Variants in ADAMTS19 observed in about 807,000 individuals in gnomAD.
The protein encoded by ADAMTS19 is ADAM metallopeptidase with thrombospondin type 1 motif 19, also known as A disintegrin and metalloproteinase with thrombospondin motifs 19.
Under a neutral mutation model 153.3 loss-of-function variants are expected in ADAMTS19, and 93 were observed. That is an observed-to-expected ratio of 0.61 (90% CI 0.51 to 0.72). The LOEUF is 0.72. ADAMTS19 is among the 30% of genes least tolerant of loss of function. The probability of loss-of-function intolerance (pLI) is 0.00; values close to 1 mark genes in which losing one functional copy is unlikely to be tolerated. For synonymous variants in ADAMTS19, 600 were observed against 556.6 expected (o/e 1.08, Z -1.10); for missense variants, 1,482 against 1,552.1 (o/e 0.95, Z 0.76).
chr5:129,659,425 A>G (rs6896924), intron 15 of ADAMTS19, among the ~76,000 whole-genome samples: 13,858 of 152,242 alleles, frequency 0.091, 695 homozygotes, highest in African/African-American at 0.11. Flanking sequence ...CTTTATGTAC[A>G]GAAAATGCTT....
At chr5:129,634,684 T>A (rs1483560996) in intron 10 of ADAMTS19, among the ~76,000 whole-genome samples, 1 of 152,060 alleles carries the variant, frequency 6.6e-6, no homozygotes, top group Non-Finnish European at 1.5e-5. Context: ...CTGGGATAAC[T>A]TACTAGCCAT....
chr5:129,676,903 C>T (rs1190487718), intron 16 of ADAMTS19, among the ~76,000 whole-genome samples: 1 of 151,930 alleles, frequency 6.6e-6, no homozygotes, highest in Admixed American at 6.6e-5. Flanking sequence ...TCTAGTGATC[C>T]CCAGGATTTG....
intron 15 of ADAMTS19, among the ~76,000 whole-genome samples, chr5:129,662,781 C>A (rs1753867458): frequency 6.6e-6 from 1 of 151,864 alleles, no homozygotes; most frequent in Non-Finnish European, 1.5e-5. Context: ...TCATGTTTGA[C>A]ATACAGCTTT....
At chr5:129,487,135 C>T (rs1750625619) in intron 2 of ADAMTS19, among the ~76,000 whole-genome samples, 1 of 152,138 alleles carries the variant, frequency 6.6e-6, no homozygotes, top group African/African-American at 2.4e-5. Flanking sequence ...AGAATAATTT[C>T]TTCCTTAGAA....
In ADAMTS19 at chr5:129,550,085, T is replaced by C. The variant is rs550355018; in HGVS notation, c.1329-1779T>C. Reference sequence around the variant, plus strand: ...ATGTATCTAGATATACATATACATGTATCTGTATATGTATGTATCTAGATA... The same window carrying C: ...ATGTATCTAGATATACATATACATGCATCTGTATATGTATGTATCTAGATA... On this transcript the variant is annotated intron_variant, in intron 6 of 22. Coordinates refer to ENST00000274487, the MANE Select transcript of ADAMTS19 (RefSeq NM_133638.6). 5.2e-5 allele frequency among the ~76,000 whole-genome samples: 5 copies of C among 95,706 alleles called. 1 individual carries two copies. The highest frequency in any genetic ancestry group is 2.0e-4 in the African/African-American group (5 of 24,440). 62.8% of individuals were successfully genotyped at this position (95,706 alleles called of 152,430 possible).
chr5:129,591,058 C>T (rs976908050), intron 7 of ADAMTS19, among the ~76,000 whole-genome samples: 1 of 152,142 alleles, frequency 6.6e-6, no homozygotes, highest in Non-Finnish European at 1.5e-5. Context: ...TCATAAGCAT[C>T]GCTTGCCCTT....
intron 7 of ADAMTS19, among the ~76,000 whole-genome samples, chr5:129,573,784 T>G (rs1399123764): frequency 6.6e-6 from 1 of 152,120 alleles, no homozygotes; most frequent in Non-Finnish European, 1.5e-5. Context: ...CTCAAGATTC[T>G]TTACTGTTAA....
intron 2 of ADAMTS19, among the ~76,000 whole-genome samples, chr5:129,504,191 G>T (rs939216184): frequency 4.6e-5 from 7 of 151,834 alleles, no homozygotes; most frequent in African/African-American, 7.3e-5. Flanking sequence ...CATCCTATTT[G>T]CCCCCACTCA....
intron 8 of ADAMTS19, among the ~76,000 whole-genome samples, chr5:129,599,299 T>C (rs376697677): frequency 1.8e-4 from 28 of 151,980 alleles, no homozygotes; most frequent in African/African-American, 6.5e-4. Context: ...CTGAGAATAA[T>C]GTCTAGAGGC....
rs547740851 is a variant in ADAMTS19 at position 129,463,983 on chromosome 5, A to T, written c.747+2226A>T. On this transcript the variant is annotated intron_variant, in intron 2 of 22. Transcript: ENST00000274487. ...GAATCAAATGTTATGCTAAGGTAAA[A>T]ATCCCTTGGGAGAGGTGGGGAATGC... Among the ~76,000 whole-genome samples, 4 of 152,308 alleles carry T rather than the reference A, an allele frequency of 2.6e-5. No individual in the cohort carries two copies. In the East Asian group the frequency reaches 7.7e-4, roughly 29 times the overall value.
intron 3 of ADAMTS19, among the ~76,000 whole-genome samples, chr5:129,523,135 G>A (rs1185840640): frequency 2.6e-5 from 4 of 151,932 alleles, no homozygotes; most frequent in African/African-American, 9.7e-5. Context: ...AGCAAGGTAG[G>A]ATATGTGGTT....
chr5:129,723,327 C>G (rs1009012319), intron 21 of ADAMTS19, among the ~76,000 whole-genome samples: 8 of 152,094 alleles, frequency 5.3e-5, no homozygotes, highest in Non-Finnish European at 1.2e-4. Flanking sequence ...TCATTCGGCT[C>G]TTATTACCTG....
rs371268493 is a variant in ADAMTS19, at chr5:129,715,922, G to GA, written c.3312+11538dup. ...CTGGGGAGAGAGTGTAGCATGAGAAGAAAAAAATGCAATTCTGAGAAACTC... is the reference window on the plus strand; with the variant it reads ...CTGGGGAGAGAGTGTAGCATGAGAAGAAAAAAAATGCAATTCTGAGAAACTC... On this transcript the variant is annotated intron_variant, in intron 21 of 22. Transcript: ENST00000274487. Among the ~76,000 whole-genome samples the GA allele has an allele frequency of 3.5e-3, 531 of 151,810 alleles. 9 individuals are homozygous for GA. Among genetic ancestry groups the GA allele is most frequent in the Middle Eastern group, 0.02 (6 of 294 alleles).
chr5:129,528,706 A>T, intron 6 of ADAMTS19, 29 bp downstream of exon 6: 1 of 1,558,886 alleles, frequency 6.4e-7, no homozygotes, highest in Non-Finnish European at 8.7e-7. Context: ...ATTAAATGGC[A>T]TTCCTAATTC....
Position 129,551,888 on chromosome 5 carries a change from T to G in ADAMTS19, c.1353T>G (p.Asp451Glu), listed in dbSNP as rs765110780. 10 of 1,581,058 alleles carry G rather than the reference T, an allele frequency of 6.3e-6. No individual in the cohort carries two copies. In the East Asian group the frequency reaches 2.3e-4, roughly 37 times the overall value. ...ITRKDFCVHK[D>E]EPCDTVGIAY... is the part of the protein sequence containing the mutation. ...GGAAAGATTTCTGTGTGCACAAAGA[T>G]GAACCATGTGATACTGTTGGTAAGT... Residue 451 changes from aspartate (D) to glutamate (E), a missense_variant, in exon 7 of 23, where the codon GAT (aspartate) becomes GAG (glutamate). Physicochemically the swap from Asp to Glu is conservative, Grantham distance 45. This residue lies in a region of ADAMTS19 where 866 missense variants were observed against 827.7 expected (regional missense o/e 1.05). Coordinates refer to ENST00000274487, the MANE Select transcript of ADAMTS19 (RefSeq NM_133638.6).
intron 3 of ADAMTS19, among the ~76,000 whole-genome samples, chr5:129,510,084 G>A (rs1751389962): frequency 6.6e-6 from 1 of 151,716 alleles, no homozygotes; most frequent in East Asian, 1.9e-4. Context: ...TAGAATCTGA[G>A]GAAATATAAA....
intron 3 of ADAMTS19, among the ~76,000 whole-genome samples, chr5:129,525,471 T>A (rs1751974234): frequency 6.6e-6 from 1 of 152,086 alleles, no homozygotes; most frequent in Non-Finnish European, 1.5e-5. Context: ...GTTGTTCAAG[T>A]TCTGCCCATT....
chr5:129,577,014 C>T (rs1457761112), intron 7 of ADAMTS19, among the ~76,000 whole-genome samples: 4 of 152,094 alleles, frequency 2.6e-5, no homozygotes, highest in African/African-American at 9.7e-5. Flanking sequence ...AGGAATAACT[C>T]AGCCCTTCTC....
intron 16 of ADAMTS19, among the ~76,000 whole-genome samples, chr5:129,672,211 A>C (rs1427183810): frequency 1.3e-5 from 2 of 152,124 alleles, no homozygotes; most frequent in Non-Finnish European, 2.9e-5. Context: ...AATCCCATTC[A>C]TGAAAACTTC....
Sources: gnomAD v4.1 joint callset for allele counts (sites outside exome capture counted in the v4.1 genomes callset) on GRCh38, gnomAD v4.1.1 for gene constraint, gnomAD v4.1.1 regional missense constraint, MANE v1.5 for transcripts, NCBI Gene and HGNC (gene_info 2026-07-23, HGNC 2026-07-21) for gene names.